TNKS1BP1: variants seen among roughly 807,000 people sequenced by gnomAD.
TNKS1BP1 encodes 182 kDa tankyrase-1-binding protein.
A neutral mutation model predicts 141.1 loss-of-function variants in TNKS1BP1; 48 were observed. The observed-to-expected ratio is 0.34, with a 90% CI of 0.27 to 0.43. TNKS1BP1 has a LOEUF of 0.43. Ranked by LOEUF, TNKS1BP1 falls within the 20% of genes least tolerant of loss-of-function variation. The probability of loss-of-function intolerance (pLI) is 1.00; values close to 1 mark genes in which losing one functional copy is unlikely to be tolerated. For synonymous variants in TNKS1BP1, 875 were observed against 898.2 expected, an observed-to-expected ratio of 0.97 and a Z score of 0.46; for missense variants, 2,149 against 2,226.0, an observed-to-expected ratio of 0.97 and a Z score of 0.70.
In TNKS1BP1 at chr11:57,320,377, T is replaced by C; in HGVS notation, c.430A>G (p.Lys144Glu). 1 of 1,614,012 alleles carries C rather than the reference T, an allele frequency of 6.2e-7. No individual in the cohort carries two copies. The highest frequency in any genetic ancestry group is 8.5e-7 in the Non-Finnish European group (1 of 1,179,982). Reference protein sequence around the residue: ...ARCAAPGGVRKAPAPFRPASE... With the variant: ...ARCAAPGGVREAPAPFRPASE... ...GCTGGGCGGAAAGGGGCAGGGGCCT[T>C]CCGTACACCCCCTGGGGCTGCACAT... The change falls in exon 3 of 12, where the codon AAG becomes GAG. Residue 144 changes from lysine to glutamate, a missense_variant. Coordinates refer to ENST00000358252, the MANE Select transcript of TNKS1BP1 (RefSeq NM_033396.3).
intron 1 of TNKS1BP1, among the ~76,000 whole-genome samples, chr11:57,324,619 C>G (rs886783943): frequency 4.7e-5 from 7 of 149,762 alleles, no homozygotes; most frequent in South Asian, 2.1e-4. Context: ...AGCACGAGCT[C>G]CAAGCCATGC....
At chr11:57,320,800 C>T (rs1028748000) in intron 2 of TNKS1BP1, 88 bp from the exon 3 acceptor site, 1 of 1,394,092 alleles carries the variant, frequency 7.2e-7, no homozygotes, top group Non-Finnish European at 9.4e-7. Context: ...CATCTCCCAC[C>T]CTCCGATTTA....
At chr11:57,322,093 G>A in intron 1 of TNKS1BP1, 143 bp from the exon 2 acceptor site, 1 of 1,023,936 alleles carries the variant, frequency 9.8e-7, no homozygotes, top group Non-Finnish European at 1.3e-6. Flanking sequence ...GGTAGGAGGA[G>A]GTCAAGGGAG....
Position 57,302,258 on chromosome 11 carries a change from C to T in TNKS1BP1, c.4684-34G>A. 6.3e-7 allele frequency: 1 copy of T among 1,591,238 alleles called. No homozygotes were observed. The highest frequency in any genetic ancestry group is 8.6e-7 in the Non-Finnish European group (1 of 1,166,340). On this transcript the variant is annotated intron_variant, in intron 7 of 11. Coordinates refer to ENST00000358252, the MANE Select transcript of TNKS1BP1 (RefSeq NM_033396.3). This position sits in a 1 kb window ranked among gnomAD's most constrained non-coding sequence, Gnocchi z 5.5. Reference sequence around the variant, plus strand: ...GGCAATGGTGACACCACTGCCATTGCTGCCTCATCCCACGGGAGCCCCTCA... The same window carrying T: ...GGCAATGGTGACACCACTGCCATTGTTGCCTCATCCCACGGGAGCCCCTCA...
intron 2 of TNKS1BP1, 48 bp downstream of exon 2, chr11:57,321,744 T>TGGGGGGGGGGGGG: frequency 2.9e-6 from 3 of 1,039,818 alleles, no homozygotes; most frequent in Non-Finnish European, 4.4e-6. Context: ...CCTCTGTCCT[T>TGGGGGGGGGGGGG]CCCACCCCCC....
At position 57,308,572 on chromosome 11, in the gene TNKS1BP1, T is replaced by C. The variant is rs747765147; in HGVS notation, c.4139A>G (p.His1380Arg). 1.2e-5 allele frequency: 19 copies of C among 1,614,054 alleles called. No individual in the cohort carries two copies. The highest frequency in any genetic ancestry group is 4.4e-5 in the South Asian group (4 of 91,092). ...CAGGCCAGGAGACAAGCTGCCATTG[T>C]GCCTCAGGCCGGGCTCTGGGCACTG... is the stretch of plus-strand genomic sequence containing the variant. Reference protein sequence around the residue: ...VSQCPEPGLRHNGSLSPGLEA... With the variant: ...VSQCPEPGLRRNGSLSPGLEA... The change falls in exon 6 of 12, where the codon CAC (histidine) becomes CGC (arginine). Residue 1380 changes from histidine (H) to arginine (R), a missense_variant. Physicochemically the swap from His to Arg is conservative, Grantham distance 29. Coordinates refer to ENST00000358252, the MANE Select transcript of TNKS1BP1 (RefSeq NM_033396.3).
At position 57,312,939 on chromosome 11, in the gene TNKS1BP1, C is replaced by G; in HGVS notation, c.1749G>C (p.Leu583Phe). ...ACTCGTATCTCTCCTCTGCCTGCTG[C>G]AAAGGTAATCCAGGTGTGCCCTCAG... ...PTTEGTPGLP[L>F]QQAEERYESQ... The change falls in exon 5 of 12, where the codon TTG (leucine) becomes TTC (phenylalanine). Residue 583 changes from leucine (L) to phenylalanine (F), a missense_variant. Leu to Phe is a conservative substitution (Grantham distance 22, BLOSUM62 0). Coordinates refer to ENST00000358252, the MANE Select transcript of TNKS1BP1 (RefSeq NM_033396.3). 6.2e-7 allele frequency: 1 copy of G among 1,613,552 alleles called. No homozygotes were observed. Among genetic ancestry groups the G allele is most frequent in the Non-Finnish European group, 8.5e-7 (1 of 1,179,838 alleles).
intron 6 of TNKS1BP1, among the ~76,000 whole-genome samples, chr11:57,307,025 C>A (rs1024000018): frequency 8.5e-5 from 13 of 152,122 alleles, no homozygotes; most frequent in African/African-American, 3.1e-4. Flanking sequence ...GTCACACCAC[C>A]TTTCGACCCT....
At chr11:57,306,452 G>A (rs756547782) in intron 6 of TNKS1BP1, among the ~76,000 whole-genome samples, 16 of 152,060 alleles carry the variant, frequency 1.1e-4, no homozygotes, top group Non-Finnish European at 2.1e-4. Flanking sequence ...TCTTCTGTAC[G>A]GCCACAGAGT....
chr11:57,318,628 T>C (rs1855832996), intron 3 of TNKS1BP1, among the ~76,000 whole-genome samples: 1 of 152,202 alleles, frequency 6.6e-6, no homozygotes, highest in Non-Finnish European at 1.5e-5. Context: ...GAGCCAGCCA[T>C]ACCTCAAGCT....
chr11:57,324,147 G>C (rs1372801083), intron 1 of TNKS1BP1, among the ~76,000 whole-genome samples: 1 of 152,254 alleles, frequency 6.6e-6, no homozygotes, highest in African/African-American at 2.4e-5. Context: ...GCCCCGGAGG[G>C]GACTCGGCGC....
At chr11:57,315,481 A>G (rs1171611830) in intron 4 of TNKS1BP1, among the ~76,000 whole-genome samples, 2 of 152,138 alleles carry the variant, frequency 1.3e-5, no homozygotes, top group Non-Finnish European at 2.9e-5. Context: ...CTAGCCCAGC[A>G]CCTGAGTAGC....
chr11:57,313,069 C>T lies in TNKS1BP1; in HGVS notation c.1619G>A (p.Ser540Asn), dbSNP rs547120352. The T allele has an allele frequency of 6.2e-7, 1 of 1,613,756 alleles. No individual in the cohort carries two copies. The highest frequency in any genetic ancestry group is 1.1e-5 in the South Asian group (1 of 91,090). ...GAGSAPSGSG[S>N]SWVQGDDPSM... ...TGGATCATCCCCCTGCACCCAGGAA[C>T]TTCCTGACCCACTTGGAGCTGACCC... Residue 540 changes from serine (S) to asparagine (N), a missense_variant, in exon 5 of 12, where the codon AGT (serine) becomes AAT (asparagine). Coordinates refer to ENST00000358252, the MANE Select transcript of TNKS1BP1 (RefSeq NM_033396.3).
chr11:57,318,569 G>C (rs887302978), intron 3 of TNKS1BP1, among the ~76,000 whole-genome samples: 1 of 152,250 alleles, frequency 6.6e-6, no homozygotes. Flanking sequence ...CATAGCAGTA[G>C]GAAGAGAAAG....
intron 6 of TNKS1BP1, among the ~76,000 whole-genome samples, chr11:57,305,980 G>C (rs951273194): frequency 6.6e-6 from 1 of 152,106 alleles, no homozygotes; most frequent in Non-Finnish European, 1.5e-5. Flanking sequence ...TAAAGAGAAA[G>C]TGCCCATAGT....
intron 6 of TNKS1BP1, among the ~76,000 whole-genome samples, chr11:57,308,135 A>G (rs1314630045): frequency 6.6e-6 from 1 of 152,230 alleles, no homozygotes; most frequent in Non-Finnish European, 1.5e-5. Flanking sequence ...TCACAGTCAC[A>G]ATTCCAAATC....
chr11:57,301,956 G>A lies in TNKS1BP1; in HGVS notation c.4835-13C>T, dbSNP rs368690723. 68 of 1,612,136 alleles carry A rather than the reference G, an allele frequency of 4.2e-5. No individual in the cohort carries two copies. Among genetic ancestry groups the A allele is most frequent in the South Asian group, 9.9e-5 (9 of 91,052 alleles). ...GATGCCCGTGGCTCTGCAAAGGCCCGGGAAAGGGGCTCAGAAAAGGCAGCA... is the reference window on the plus strand; with the variant it reads ...GATGCCCGTGGCTCTGCAAAGGCCCAGGAAAGGGGCTCAGAAAAGGCAGCA... On this transcript the variant is annotated splice_polypyrimidine_tract_variant and intron_variant, in intron 8 of 11. Coordinates refer to ENST00000358252, the MANE Select transcript of TNKS1BP1 (RefSeq NM_033396.3).
chr11:57,304,834 T>C (rs534229438), intron 6 of TNKS1BP1, among the ~76,000 whole-genome samples: 1 of 129,550 alleles, frequency 7.7e-6, no homozygotes, highest in South Asian at 2.7e-4. Flanking sequence ...ACCGCGCCAC[T>C]GCACTCCAGC....
chr11:57,302,463 A>G lies in TNKS1BP1; in HGVS notation c.4679T>C (p.Ile1560Thr), dbSNP rs374259992. Reference protein sequence around the residue: ...ARSPSQDFSFIEDTEILDSAM... With the variant: ...ARSPSQDFSFTEDTEILDSAM... ...ATGGGCTCACCCTCCACTGACCTCAATGAAGGAGAAGTCCTGACTGGGGGA... is the reference window on the plus strand; with the variant it reads ...ATGGGCTCACCCTCCACTGACCTCAGTGAAGGAGAAGTCCTGACTGGGGGA... Residue 1560 changes from isoleucine to threonine, a missense_variant, in exon 7 of 12, where the codon ATT (isoleucine) becomes ACT (threonine). Transcript: ENST00000358252. This position sits in a 1 kb window ranked among gnomAD's most constrained non-coding sequence, Gnocchi z 5.5. The G allele has an allele frequency of 3.3e-5, 53 of 1,593,818 alleles. No homozygotes were observed. The highest frequency in any genetic ancestry group is 4.1e-5 in the Non-Finnish European group (48 of 1,167,138).
Sources: gnomAD v4.1 joint callset for allele counts (sites outside exome capture counted in the v4.1 genomes callset) on GRCh38, gnomAD v4.1.1 for gene constraint, Gnocchi (gnomAD v3.1) non-coding constraint, MANE v1.5 for transcripts, NCBI Gene and HGNC (gene_info 2026-07-23, HGNC 2026-07-21) for gene names.